MYO1D: variants seen among roughly 807,000 people sequenced by gnomAD.
MYO1D encodes unconventional myosin-Id.
A neutral mutation model predicts 122.0 loss-of-function variants in MYO1D; 83 were observed. That is an observed-to-expected ratio of 0.68 (90% confidence interval 0.57 to 0.82). The LOEUF is 0.82. MYO1D is among the 40% of genes least tolerant of loss of function. The probability of loss-of-function intolerance (pLI) is 0.00; values close to 1 mark genes in which losing one functional copy is unlikely to be tolerated. For synonymous variants in MYO1D, 464 were observed against 446.9 expected (o/e 1.04, Z -0.48); for missense variants, 1,157 against 1,269.5 (o/e 0.91, Z 1.35).
At chr17:32,634,957 C>A (rs1303813100) in intron 20 of MYO1D, among the ~76,000 whole-genome samples, 1 of 152,178 alleles carries the variant, frequency 6.6e-6, no homozygotes, top group African/African-American at 2.4e-5. Flanking sequence ...GGGAGGAGAT[C>A]AGTTATACCC....
At chr17:32,643,330 T>C (rs1463545577) in intron 19 of MYO1D, among the ~76,000 whole-genome samples, 1 of 152,222 alleles carries the variant, frequency 6.6e-6, no homozygotes, top group African/African-American at 2.4e-5. Flanking sequence ...TTTGCCAGTA[T>C]TTTATTCAGG....
At chr17:32,799,121 T>G (rs996119558) in intron 1 of MYO1D, among the ~76,000 whole-genome samples, 1 of 152,162 alleles carries the variant, frequency 6.6e-6, no homozygotes, top group Non-Finnish European at 1.5e-5. Context: ...TTTTCTATAC[T>G]CAGGAATACC....
At chr17:32,587,891 C>T (rs1362359261) in intron 21 of MYO1D, among the ~76,000 whole-genome samples, 1 of 152,212 alleles carries the variant, frequency 6.6e-6, no homozygotes, top group African/African-American at 2.4e-5. Context: ...CGGACCATTC[C>T]TTAAACTGTT....
At chr17:32,817,581 T>C (rs2151054890) in intron 1 of MYO1D, among the ~76,000 whole-genome samples, 1 of 152,208 alleles carries the variant, frequency 6.6e-6, no homozygotes, top group South Asian at 2.1e-4. Flanking sequence ...TTATGACTTG[T>C]TTTCAGTTCA....
chr17:32,791,899 C>A (rs1598102788), intron 1 of MYO1D, among the ~76,000 whole-genome samples: 1 of 152,220 alleles, frequency 6.6e-6, no homozygotes, highest in South Asian at 2.1e-4. Context: ...GAGGCAACCA[C>A]TGCTGCTGGT....
intron 19 of MYO1D, among the ~76,000 whole-genome samples, chr17:32,649,655 T>C (rs2088359724): frequency 7.3e-6 from 1 of 137,346 alleles, no homozygotes; most frequent in African/African-American, 2.7e-5. Context: ...CACTGCAACC[T>C]CCACCCCCCG....
chr17:32,808,345 A>G (rs1831953282), intron 1 of MYO1D, among the ~76,000 whole-genome samples: 1 of 151,780 alleles, frequency 6.6e-6, no homozygotes, highest in African/African-American at 2.4e-5. Flanking sequence ...ACTGCACTCC[A>G]GCTTGGATGA....
intron 1 of MYO1D, among the ~76,000 whole-genome samples, chr17:32,873,831 C>T (rs994010757): frequency 6.6e-6 from 1 of 152,196 alleles, no homozygotes; most frequent in Admixed American, 6.5e-5. Flanking sequence ...ACATATACAT[C>T]TGTACACCCA....
chr17:32,550,554 C>A (rs1463308176), intron 21 of MYO1D, among the ~76,000 whole-genome samples: 2 of 152,164 alleles, frequency 1.3e-5, no homozygotes, highest in Non-Finnish European at 1.5e-5. Context: ...TATAATACCA[C>A]ACATTAAAAA....
chr17:32,796,108 CCAA>C lies in MYO1D; in HGVS notation c.96-15327_96-15325del, dbSNP rs1209131652. 2.0e-5 allele frequency among the ~76,000 whole-genome samples: 3 copies of C among 152,268 alleles called. No individual in the cohort carries two copies. In the East Asian group the frequency reaches 5.8e-4, roughly 29 times the overall value. On this transcript the variant is annotated intron_variant, in intron 1 of 21. Transcript: ENST00000318217. ...ATATGACACTGATTTTCTCTTTCAACCAACAATAAACATAATTTATCCAACATA... is the reference window on the plus strand; with the variant it reads ...ATATGACACTGATTTTCTCTTTCAACCAATAAACATAATTTATCCAACATA...
At chr17:32,703,777 T>C (rs988949294) in intron 16 of MYO1D, among the ~76,000 whole-genome samples, 2 of 152,236 alleles carry the variant, frequency 1.3e-5, no homozygotes, top group Non-Finnish European at 2.9e-5. Flanking sequence ...TGGTACATTG[T>C]TTTCATTAAA....
chr17:32,785,132 C>T, intron 1 of MYO1D, among the ~76,000 whole-genome samples: 1 of 152,130 alleles, frequency 6.6e-6, no homozygotes, highest in East Asian at 1.9e-4. Context: ...TTAAAACCTA[C>T]TGAACATAAG....
At chr17:32,789,242 T>C (rs2090327284) in intron 1 of MYO1D, among the ~76,000 whole-genome samples, 1 of 152,194 alleles carries the variant, frequency 6.6e-6, no homozygotes, top group Non-Finnish European at 1.5e-5. Context: ...TCTTTTCCAA[T>C]TTGGATGCTC....
chr17:32,592,111 G>C (rs554154528), intron 21 of MYO1D, among the ~76,000 whole-genome samples: 2 of 152,244 alleles, frequency 1.3e-5, no homozygotes, highest in African/African-American at 4.8e-5. Flanking sequence ...CTTATGTCAA[G>C]GGCTGACTCA....
At chr17:32,861,490 G>A (rs1216283336) in intron 1 of MYO1D, among the ~76,000 whole-genome samples, 3 of 152,142 alleles carry the variant, frequency 2.0e-5, no homozygotes, top group Non-Finnish European at 4.4e-5. Flanking sequence ...GGAGCTAAAT[G>A]AAAGAAAGCC....
chr17:32,495,215 C>G (rs1254226501), intron 21 of MYO1D, among the ~76,000 whole-genome samples: 1 of 152,224 alleles, frequency 6.6e-6, no homozygotes, highest in Non-Finnish European at 1.5e-5. Context: ...GGGCTGAGGA[C>G]CAAGCCCCTG....
chr17:32,505,433 A>AG (rs2150855780), intron 21 of MYO1D: 1 of 152,392 alleles, frequency 6.6e-6, no homozygotes, highest in Admixed American at 6.5e-5. Flanking sequence ...AGAAGAAAGG[A>AG]GGGGGTGTGA....
chr17:32,725,586 A>C (rs78304831), intron 14 of MYO1D, among the ~76,000 whole-genome samples: 1,752 of 152,158 alleles, frequency 0.012, 19 homozygotes, highest in Admixed American at 0.018. Flanking sequence ...GGTGAGAAGA[A>C]ATTTTCTGGA....
At chr17:32,873,359 C>T (rs1295502412) in intron 1 of MYO1D, among the ~76,000 whole-genome samples, 1 of 152,184 alleles carries the variant, frequency 6.6e-6, no homozygotes, top group Non-Finnish European at 1.5e-5. Flanking sequence ...GAGGACAGGA[C>T]ATTCCAGACT....
Sources: allele counts gnomAD v4.1 joint callset (sites outside exome capture counted in the v4.1 genomes callset), GRCh38; gene constraint gnomAD v4.1.1; transcripts MANE v1.5; gene names NCBI Gene and HGNC (gene_info 2026-07-23, HGNC 2026-07-21).